TBC1D5: variants seen among roughly 807,000 people sequenced by gnomAD.
TBC1D5 encodes the protein TBC1 domain family, member 5.
Under a neutral mutation model 100.3 loss-of-function variants are expected in TBC1D5, and 75 were observed. That is an observed-to-expected ratio of 0.75 (90% CI 0.62 to 0.91). The LOEUF is 0.91. TBC1D5 is among the 40% of genes least tolerant of loss of function. The probability of loss-of-function intolerance (pLI) is 0.00; values close to 1 mark genes in which losing one functional copy is unlikely to be tolerated. For missense variants in TBC1D5, 910 were observed against 942.4 expected, an observed-to-expected ratio of 0.97 and a Z score of 0.45; for synonymous variants, 323 against 325.6, an observed-to-expected ratio of 0.99 and a Z score of 0.09.
chr3:17,267,110 C>T lies in TBC1D5; in HGVS notation c.1246-8519G>A, dbSNP rs56983320. Reference sequence around the variant, plus strand: ...TTTTAAACCACCTGTGCGTTATGCTCGACTTTAGCTTCACACAATAAATAG... The same window carrying T: ...TTTTAAACCACCTGTGCGTTATGCTTGACTTTAGCTTCACACAATAAATAG... On this transcript the variant is annotated intron_variant, in intron 15 of 21. Coordinates refer to ENST00000253692, the Ensembl canonical transcript of TBC1D5. 1.2e-3 allele frequency among the ~76,000 whole-genome samples: 189 copies of T among 152,156 alleles called. 3 individuals carry two copies. The East Asian group carries it at 0.025, about 20-fold the overall frequency.
chr3:17,493,015 T>C (rs2095658043), intron 3 of TBC1D5, among the ~76,000 whole-genome samples: 1 of 152,230 alleles, frequency 6.6e-6, no homozygotes, highest in Non-Finnish European at 1.5e-5. Flanking sequence ...TTGATGTAGT[T>C]GTTTCATAGT....
intron 3 of TBC1D5, among the ~76,000 whole-genome samples, chr3:17,439,142 A>C (rs1225660257): frequency 6.6e-6 from 1 of 152,210 alleles, no homozygotes; most frequent in Non-Finnish European, 1.5e-5. Flanking sequence ...GATTACAATC[A>C]GTGCTAGATC....
intron 13 of TBC1D5, among the ~76,000 whole-genome samples, chr3:17,342,549 C>A (rs1399636885): frequency 6.6e-6 from 1 of 152,184 alleles, no homozygotes; most frequent in Non-Finnish European, 1.5e-5. Context: ...AAATTGGTTA[C>A]ACATACTCTT....
intron 3 of TBC1D5, among the ~76,000 whole-genome samples, chr3:17,502,222 T>C (rs1223692835): frequency 6.7e-6 from 1 of 149,842 alleles, no homozygotes; most frequent in Non-Finnish European, 1.5e-5. Context: ...TAGTATAGAA[T>C]ACATAATTCA....
chr3:17,287,919 C>T lies in TBC1D5; in HGVS notation c.1245+3976G>A, dbSNP rs532970123. On this transcript the variant is annotated intron_variant, in intron 15 of 21. Transcript: ENST00000253692. Reference sequence around the variant, plus strand: ...AACCTGTTAGCAGCATTCAACACTACTATCATATGAAACTAGGAAATGGGA... The same window carrying T: ...AACCTGTTAGCAGCATTCAACACTATTATCATATGAAACTAGGAAATGGGA... Among the ~76,000 whole-genome samples, 29 of 152,304 alleles carry T rather than the reference C, an allele frequency of 1.9e-4. 2 individuals carry two copies. In the South Asian group the frequency reaches 4.4e-3, roughly 23 times the overall value.
At chr3:17,169,615 T>C (rs2066970425) in intron 19 of TBC1D5, among the ~76,000 whole-genome samples, 1 of 152,202 alleles carries the variant, frequency 6.6e-6, no homozygotes, top group African/African-American at 2.4e-5. Context: ...GGGAATGGAA[T>C]GACAGATATA....
chr3:17,578,558 T>C (rs1267055375), intron 2 of TBC1D5, among the ~76,000 whole-genome samples: 1 of 152,046 alleles, frequency 6.6e-6, no homozygotes, highest in Non-Finnish European at 1.5e-5. Context: ...TGAAAGCACA[T>C]GTATTTTACA....
In TBC1D5 at chr3:17,491,546, C is replaced by T. The variant is rs184396543; in HGVS notation, c.97+16928G>A. Among the ~76,000 whole-genome samples the T allele has an allele frequency of 2.9e-3, 444 of 152,214 alleles. 2 individuals are homozygous for T. The highest frequency in any genetic ancestry group is 3.4e-3 in the Non-Finnish European group (229 of 68,026). Reference sequence around the variant, plus strand: ...TGTTCAATTTTATTGAAGGCCTTTTCTGCCTCTATTGAGATAATCATGTGG... The same window carrying T: ...TGTTCAATTTTATTGAAGGCCTTTTTTGCCTCTATTGAGATAATCATGTGG... On this transcript the variant is annotated intron_variant, in intron 3 of 21. Transcript: ENST00000253692.
At chr3:17,228,382 G>A (rs947517965) in intron 17 of TBC1D5, among the ~76,000 whole-genome samples, 6 of 152,134 alleles carry the variant, frequency 3.9e-5, no homozygotes, top group Non-Finnish European at 8.8e-5. Flanking sequence ...TATGCTCTCC[G>A]TAGACATAAA....
chr3:17,449,922 G>A (rs898860478), intron 3 of TBC1D5, among the ~76,000 whole-genome samples: 20 of 152,264 alleles, frequency 1.3e-4, no homozygotes, highest in Middle Eastern at 3.4e-3. Context: ...CCTGATCCCC[G>A]TGCCTCCTGA....
rs558843260 is a variant in TBC1D5, at chr3:17,594,696, A to G, written c.-36+29153T>C. 8.3e-4 allele frequency among the ~76,000 whole-genome samples: 127 copies of G among 152,308 alleles called. 3 individuals carry two copies. In the South Asian group the frequency reaches 0.025, roughly 30 times the overall value. On this transcript the variant is annotated intron_variant, in intron 2 of 21. Transcript: ENST00000253692. ...TTAAGTAATGTTAACTATATGTAAT[A>G]GTATTTGGGTTGGGGATTGGTGCAT...
At chr3:17,313,956 C>A (rs779413039) in intron 13 of TBC1D5, among the ~76,000 whole-genome samples, 1 of 152,096 alleles carries the variant, frequency 6.6e-6, no homozygotes, top group African/African-American at 2.4e-5. Flanking sequence ...CTTTAAGTAC[C>A]CTCCGGGGTT....
At chr3:17,637,188 ATTTTTTT>A (rs1186523023) in intron 1 of TBC1D5, among the ~76,000 whole-genome samples, 144 of 95,466 alleles carry the variant, frequency 1.5e-3, no homozygotes, top group Middle Eastern at 0.014. Context: ...TGCCCGACTA[ATTTTTTT>A]TTTTTTTTTT....
exon 22 of TBC1D5, chr3:17,160,775 C>T: frequency 1.3e-6 from 1 of 748,070 alleles, no homozygotes; most frequent in Non-Finnish European, 2.1e-6. Flanking sequence ...TGTGGCAAAC[C>T]TAAGCCTCTG....
chr3:17,399,471 T>C (rs1343276109), intron 8 of TBC1D5, among the ~76,000 whole-genome samples: 2 of 152,100 alleles, frequency 1.3e-5, no homozygotes, highest in Admixed American at 6.6e-5. Flanking sequence ...AAAATACATA[T>C]CCCCAACCCA....
At chr3:17,230,462 G>A (rs2148871968) in intron 17 of TBC1D5, among the ~76,000 whole-genome samples, 1 of 152,128 alleles carries the variant, frequency 6.6e-6, no homozygotes, top group Admixed American at 6.5e-5. Context: ...AAAGGTGGGA[G>A]GAGAAAATGG....
In TBC1D5 at chr3:17,403,175, A is replaced by G. The variant is rs1352799990; in HGVS notation, c.509+6T>C. On this transcript the variant is annotated splice_donor_region_variant and intron_variant, in intron 8 of 21. Transcript: ENST00000253692. Reference sequence around the variant, plus strand: ...TTGAAAGTAACATGTAAATAGTTCTACATACGTTCTTTTGACATCTTGTTC... The same window carrying G: ...TTGAAAGTAACATGTAAATAGTTCTGCATACGTTCTTTTGACATCTTGTTC... The G allele has an allele frequency of 1.5e-5, 23 of 1,576,860 alleles. No homozygotes were observed. Among genetic ancestry groups the G allele is most frequent in the Non-Finnish European group, 1.9e-5 (22 of 1,157,262 alleles).
intron 13 of TBC1D5, among the ~76,000 whole-genome samples, chr3:17,345,018 T>A (rs1011118404): frequency 6.6e-6 from 1 of 152,170 alleles, no homozygotes; most frequent in Non-Finnish European, 1.5e-5. Context: ...GGCAAGGACT[T>A]CATGTCTAAA....
Position 17,376,605 on chromosome 3 carries a change from G to A in TBC1D5, c.621C>T (p.His207=), listed in dbSNP as rs759809046. The change falls in exon 10 of 22, where the codon CAC becomes CAT. Residue 207 remains histidine, a synonymous_variant. Transcript: ENST00000253692. ...CAAAGACTATAGGTGCTAACAGTTC[G>A]TGCATGCCCTGAAATAAAAGAGCCA... is the stretch of plus-strand genomic sequence containing the variant. The A allele has an allele frequency of 1.1e-5, 18 of 1,610,462 alleles. No homozygotes were observed. The Admixed American group carries it at 1.2e-4, about 11-fold the overall frequency.
Sources: gnomAD v4.1 joint callset for allele counts (sites outside exome capture counted in the v4.1 genomes callset) on GRCh38, gnomAD v4.1.1 for gene constraint, MANE v1.5 for transcripts, NCBI Gene and HGNC (gene_info 2026-07-23, HGNC 2026-07-21) for gene names.